The following ANXA13 variants were observed in gnomAD, a reference collection of about 807,000 sequenced individuals.
ANXA13 encodes annexin A13.
In ANXA13, 36 loss-of-function variants were observed where a neutral mutation model predicts 46.6. The ratio of observed to expected loss-of-function variants is 0.77; its 90% CI spans 0.59 to 1.02. ANXA13 has a LOEUF of 1.02. Among genes scored for constraint, ANXA13 ranks in the 50% least tolerant of loss-of-function variants. The pLI is 0.00. For missense variants in ANXA13, 417 were observed against 396.5 expected, an observed-to-expected ratio of 1.05 and a Z score of -0.44; for synonymous variants, 163 against 152.9, an observed-to-expected ratio of 1.07 and a Z score of -0.49.
In ANXA13 at chr8:123,681,132, C is replaced by T. The variant is rs1014823367; in HGVS notation, c.*108G>A. On this transcript the variant is annotated 3_prime_UTR_variant, in exon 11 of 11. Coordinates refer to ENST00000419625, the MANE Select transcript of ANXA13 (RefSeq NM_004306.4). ...CCACTTAAGCTGCCAAGAAAGTAAT[C>T]CGGGACTCTTAAGGGTTTTCGTGCG... The T allele has an allele frequency of 1.3e-5, 19 of 1,413,678 alleles. No individual in the cohort carries two copies. The highest frequency in any genetic ancestry group is 2.4e-5 in the East Asian group (1 of 42,332). 87.6% of individuals were successfully genotyped at this position (1,413,678 alleles called of 1,614,324 possible).
intron 2 of ANXA13, among the ~76,000 whole-genome samples, chr8:123,705,519 C>A (rs993800693): frequency 6.6e-6 from 1 of 152,230 alleles, no homozygotes; most frequent in Non-Finnish European, 1.5e-5. Flanking sequence ...TGGCACAGCA[C>A]ACTATTTACA....
intron 1 of ANXA13, among the ~76,000 whole-genome samples, chr8:123,715,227 A>G (rs1189195696): frequency 1.3e-5 from 2 of 152,218 alleles, no homozygotes; most frequent in Admixed American, 1.3e-4. Flanking sequence ...TGGTAACATC[A>G]GAGTATTAAG....
In ANXA13 at chr8:123,693,210, TG is replaced by T. The variant is rs1357060399; in HGVS notation, c.628del (p.Gln210LysfsTer11). On this transcript the variant is annotated frameshift_variant, in exon 8 of 11. Transcript: ENST00000419625. LOFTEE classifies it high-confidence loss of function. ...TTTATGACTTACAATTTGATAGGCT[TG>T]AAAGGTGGCTCGTAACTGCTTGTAG... The part of the protein sequence containing the change: ...RSYKQLRATF[Q>X]AYQILIGKDI... The T allele has an allele frequency of 6.2e-7, 1 of 1,614,038 alleles. No individual in the cohort carries two copies. Among genetic ancestry groups the T allele is most frequent in the African/African-American group, 1.3e-5 (1 of 74,934 alleles).
chr8:123,705,885 C>T (rs1813528867), intron 2 of ANXA13, among the ~76,000 whole-genome samples: 1 of 152,178 alleles, frequency 6.6e-6, no homozygotes, highest in Admixed American at 6.5e-5. Flanking sequence ...CCTCCTTCTG[C>T]TCCAGCACCA....
chr8:123,704,557 C>A (rs1406235168), intron 2 of ANXA13, among the ~76,000 whole-genome samples: 1 of 151,980 alleles, frequency 6.6e-6, no homozygotes, highest in African/African-American at 2.4e-5. Context: ...CCACCATGCC[C>A]AACTAATTTT....
chr8:123,737,092 C>T (rs1322014415), intron 1 of ANXA13, among the ~76,000 whole-genome samples: 3 of 151,622 alleles, frequency 2.0e-5, no homozygotes, highest in African/African-American at 7.3e-5. Context: ...AACTCCTGAC[C>T]TCAAGTAATC....
At chr8:123,683,232 A>G (rs1482635678) in intron 10 of ANXA13, among the ~76,000 whole-genome samples, 1 of 152,080 alleles carries the variant, frequency 6.6e-6, no homozygotes, top group Non-Finnish European at 1.5e-5. Flanking sequence ...TTCAATAGAA[A>G]AAGATGAGTT....
rs1427440335 is a variant in ANXA13, at chr8:123,690,856, T to C, written c.643-1910A>G. On this transcript the variant is annotated intron_variant, in intron 8 of 10. Coordinates refer to ENST00000419625, the MANE Select transcript of ANXA13 (RefSeq NM_004306.4). The surrounding 1 kb of genome is among the most constrained non-coding windows in gnomAD (Gnocchi z 4.6). ...GCACTGACTATAGCAGTTAGAGGGC[T>C]GAAGCCTCTGGCGTGGAATAAGGAA... Among the ~76,000 whole-genome samples the C allele has an allele frequency of 6.6e-6, 1 of 152,172 alleles. No individual in the cohort carries two copies. Among genetic ancestry groups the C allele is most frequent in the Non-Finnish European group, 1.5e-5 (1 of 68,040 alleles).
At chr8:123,686,785 A>C (rs1813147694) in intron 9 of ANXA13, among the ~76,000 whole-genome samples, 1 of 151,398 alleles carries the variant, frequency 6.6e-6, no homozygotes, top group African/African-American at 2.4e-5. Context: ...ATTTGACCTC[A>C]CCCCCTGCTC....
intron 2 of ANXA13, among the ~76,000 whole-genome samples, chr8:123,704,105 T>G (rs145694317): frequency 1.8e-4 from 28 of 152,106 alleles, no homozygotes; most frequent in Non-Finnish European, 2.6e-4. Flanking sequence ...GCGGTGGTCC[T>G]AAGCACGCAC....
At chr8:123,700,111 G>A (rs140808904) in intron 3 of ANXA13, among the ~76,000 whole-genome samples, 5 of 152,280 alleles carry the variant, frequency 3.3e-5, no homozygotes, top group African/African-American at 1.2e-4. Flanking sequence ...TCCTACAAGG[G>A]GGCTGTTATA....
At chr8:123,717,998 A>G (rs948568033) in intron 1 of ANXA13, among the ~76,000 whole-genome samples, 12 of 152,264 alleles carry the variant, frequency 7.9e-5, no homozygotes, top group Non-Finnish European at 1.5e-5. Context: ...TTGCGCCCAG[A>G]GAAAGAGTAA....
At chr8:123,706,864 T>C (rs2129881523) in intron 2 of ANXA13, among the ~76,000 whole-genome samples, 1 of 152,336 alleles carries the variant, frequency 6.6e-6, no homozygotes, top group African/African-American at 2.4e-5. Context: ...GATTTGCAGC[T>C]CCTAGAACAA....
intron 1 of ANXA13, among the ~76,000 whole-genome samples, chr8:123,733,127 C>T (rs1267994975): frequency 6.6e-6 from 1 of 151,994 alleles, no homozygotes; most frequent in Non-Finnish European, 1.5e-5. Flanking sequence ...TGTGCCACTG[C>T]ACTCCAGCCT....
Position 123,693,790 on chromosome 8 carries a change from TGA to T in ANXA13, c.472-13_472-12del, listed in dbSNP as rs1243731161. 6.2e-7 allele frequency: 1 copy of T among 1,612,324 alleles called. No homozygotes were observed. The highest frequency in any genetic ancestry group is 8.5e-7 in the Non-Finnish European group (1 of 1,178,912). Reference sequence around the variant, plus strand: ...TTCATTGCGATTAGCCTAGAAAAATTGACACATTGTTATTAACTTGCATTCCT... The same window carrying T: ...TTCATTGCGATTAGCCTAGAAAAATTCACATTGTTATTAACTTGCATTCCT... On this transcript the variant is annotated splice_polypyrimidine_tract_variant and intron_variant, in intron 6 of 10. Transcript: ENST00000419625.
chr8:123,730,202 C>T (rs1814088008), intron 1 of ANXA13, among the ~76,000 whole-genome samples: 1 of 152,198 alleles, frequency 6.6e-6, no homozygotes, highest in South Asian at 2.1e-4. Flanking sequence ...CCAAGCCCTT[C>T]TCCACTAGCT....
intron 1 of ANXA13, among the ~76,000 whole-genome samples, chr8:123,732,047 T>G (rs1398684346): frequency 6.6e-6 from 1 of 152,128 alleles, no homozygotes; most frequent in African/African-American, 2.4e-5. Context: ...GAGGTGATGA[T>G]TCAGTTCAAC....
intron 2 of ANXA13, among the ~76,000 whole-genome samples, chr8:123,704,459 A>T (rs1813504582): frequency 6.6e-6 from 1 of 151,318 alleles, no homozygotes; most frequent in South Asian, 2.1e-4. Flanking sequence ...GCTAGAGCGC[A>T]GTGGCATGAT....
At chr8:123,720,928 A>G (rs1303498501) in intron 1 of ANXA13, among the ~76,000 whole-genome samples, 1 of 152,092 alleles carries the variant, frequency 6.6e-6, no homozygotes, top group African/African-American at 2.4e-5. Flanking sequence ...CAATTTTTTA[A>G]GTGTGTAATA....
Sources: allele counts gnomAD v4.1 joint callset (sites outside exome capture counted in the v4.1 genomes callset), GRCh38; gene constraint gnomAD v4.1.1; non-coding constraint Gnocchi (gnomAD v3.1); transcripts MANE v1.5; gene names NCBI Gene and HGNC (gene_info 2026-07-23, HGNC 2026-07-21).